Variants in TBC1D5 observed in about 807,000 individuals in gnomAD.
TBC1D5 encodes TBC1 domain family, member 5.
A neutral mutation model predicts 100.3 loss-of-function variants in TBC1D5; 75 were observed. That is an observed-to-expected ratio of 0.75 (90% CI 0.62 to 0.91). The LOEUF is 0.91. Ranked by LOEUF, TBC1D5 falls within the 40% of genes least tolerant of loss-of-function variation. TBC1D5 has a pLI of 0.00. For missense variants in TBC1D5, 910 were observed against 942.4 expected, an observed-to-expected ratio of 0.97 and a Z score of 0.45; for synonymous variants, 323 against 325.6, an observed-to-expected ratio of 0.99 and a Z score of 0.09.
chr3:17,184,954 A>G (rs577558224), intron 19 of TBC1D5, 155 bp downstream of exon 20: 1 of 499,944 alleles, frequency 2.0e-6, no homozygotes, highest in African/African-American at 1.9e-5. Context: ...TAATGTAGAG[A>G]GTGAGAGTAA....
At chr3:17,255,000 A>G (rs1339394515) in intron 16 of TBC1D5, among the ~76,000 whole-genome samples, 1 of 152,218 alleles carries the variant, frequency 6.6e-6, no homozygotes, top group East Asian at 1.9e-4. Flanking sequence ...GACATCCAAG[A>G]GAAAATATTA....
intron 1 of TBC1D5, among the ~76,000 whole-genome samples, chr3:17,731,259 T>C (rs551258046): frequency 7.2e-5 from 11 of 151,998 alleles, no homozygotes; most frequent in Admixed American, 6.6e-4. Context: ...TCCCAGCACT[T>C]TGGGAGGCCG....
At chr3:17,385,950 T>C (rs1042048973) in intron 8 of TBC1D5, among the ~76,000 whole-genome samples, 8 of 152,124 alleles carry the variant, frequency 5.3e-5, no homozygotes, top group African/African-American at 1.9e-4. Flanking sequence ...TCAAATGCAC[T>C]GAAGTAGGCA....
chr3:17,503,242 ACT>A (rs2095806034), intron 3 of TBC1D5, among the ~76,000 whole-genome samples: 1 of 149,176 alleles, frequency 6.7e-6, no homozygotes, highest in African/African-American at 2.6e-5. Context: ...CATAGCATAA[ACT>A]CTTTACAATC....
chr3:17,356,328 G>C (rs971064238), intron 13 of TBC1D5, among the ~76,000 whole-genome samples: 1 of 152,128 alleles, frequency 6.6e-6, no homozygotes. Flanking sequence ...TTTCGATAGA[G>C]AATCTTTCAG....
intron 8 of TBC1D5, among the ~76,000 whole-genome samples, chr3:17,396,542 A>T (rs1679572345): frequency 6.6e-6 from 1 of 152,048 alleles, no homozygotes; most frequent in Admixed American, 6.6e-5. Context: ...TACTGGGAGT[A>T]TTTCTTTTTC....
At chr3:17,405,051 A>T (rs2093736663) in intron 5 of TBC1D5, 90 bp from the exon 6 acceptor site, 1 of 653,244 alleles carries the variant, frequency 1.5e-6, no homozygotes, top group East Asian at 2.8e-5. Context: ...ACATTGAAAG[A>T]CATAATAGTC....
intron 9 of TBC1D5, among the ~76,000 whole-genome samples, chr3:17,378,726 A>G (rs1189009653): frequency 6.6e-6 from 1 of 151,186 alleles, no homozygotes; most frequent in African/African-American, 2.4e-5. Flanking sequence ...CATGCCTATA[A>G]AGACCTTCCT....
chr3:17,455,818 A>C (rs571332623), intron 3 of TBC1D5, among the ~76,000 whole-genome samples: 1 of 152,298 alleles, frequency 6.6e-6, no homozygotes, highest in South Asian at 2.1e-4. Context: ...AGCCTGGGTG[A>C]AAGAATGAGA....
At chr3:17,383,023 T>C (rs1292559945) in intron 9 of TBC1D5, among the ~76,000 whole-genome samples, 1 of 152,072 alleles carries the variant, frequency 6.6e-6, no homozygotes, top group Non-Finnish European at 1.5e-5. Flanking sequence ...CTATTAAAAA[T>C]AAGATAAAAT....
chr3:17,705,779 G>A (rs1426662211), intron 1 of TBC1D5, among the ~76,000 whole-genome samples: 4 of 143,036 alleles, frequency 2.8e-5, no homozygotes, highest in African/African-American at 7.9e-5. Flanking sequence ...CAGCCAGGCA[G>A]AGGGGCTCCT....
intron 12 of TBC1D5, 53 bp downstream of exon 12, chr3:17,374,418 G>A: frequency 6.6e-7 from 1 of 1,509,794 alleles, no homozygotes; most frequent in South Asian, 1.2e-5. Flanking sequence ...GTTATTTATT[G>A]AAAGCATTTG....
At chr3:17,233,598 G>T in intron 17 of TBC1D5, 87 bp downstream of exon 18, 1 of 752,138 alleles carries the variant, frequency 1.3e-6, no homozygotes, top group East Asian at 2.8e-5. Context: ...TGGAGGGTGG[G>T]CAAAAAGAAA....
At chr3:17,672,608 T>C (rs1366734710) in intron 1 of TBC1D5, 1 of 152,154 alleles carries the variant, frequency 6.6e-6, no homozygotes, top group Admixed American at 6.5e-5. Flanking sequence ...TTTTTTGTAC[T>C]AGGAGGTTGG....
At chr3:17,733,933 A>C (rs1244654527) in intron 1 of TBC1D5, among the ~76,000 whole-genome samples, 4 of 152,196 alleles carry the variant, frequency 2.6e-5, no homozygotes, top group African/African-American at 7.2e-5. Flanking sequence ...AGCAATAGTC[A>C]GGTTAAGAAA....
chr3:17,612,167 G>C (rs549273417), intron 2 of TBC1D5, among the ~76,000 whole-genome samples: 2 of 151,740 alleles, frequency 1.3e-5, no homozygotes, highest in Non-Finnish European at 2.9e-5. Flanking sequence ...GGGTGTGGTG[G>C]TGTGTACCTG....
chr3:17,354,259 T>C (rs2090966656), intron 13 of TBC1D5, among the ~76,000 whole-genome samples: 4 of 152,142 alleles, frequency 2.6e-5, no homozygotes, highest in Admixed American at 2.6e-4. Context: ...AAAGGTCTGA[T>C]GTTCACCCAA....
At chr3:17,692,146 G>A (rs976455817) in intron 1 of TBC1D5, among the ~76,000 whole-genome samples, 1 of 152,114 alleles carries the variant, frequency 6.6e-6, no homozygotes, top group African/African-American at 2.4e-5. Flanking sequence ...AGGCTGAAGT[G>A]CAGTGGAGCA....
chr3:17,591,296 A>G (rs1228969748), intron 2 of TBC1D5, among the ~76,000 whole-genome samples: 1 of 145,336 alleles, frequency 6.9e-6, no homozygotes, highest in Non-Finnish European at 1.5e-5. Context: ...TGGCCCCTCA[A>G]TTAATTTCCA....
Sources: gnomAD v4.1 joint callset for allele counts (sites outside exome capture counted in the v4.1 genomes callset) on GRCh38, gnomAD v4.1.1 for gene constraint, MANE v1.5 for transcripts, NCBI Gene and HGNC (gene_info 2026-07-23, HGNC 2026-07-21) for gene names.